The following PBXIP1 variants were observed in gnomAD, a reference collection of about 807,000 sequenced individuals.
PBXIP1 encodes the protein PBX homeobox interacting protein 1, also known as pre-B-cell leukemia transcription factor-interacting protein 1.
Under a neutral mutation model 73.7 loss-of-function variants are expected in PBXIP1, and 73 were observed. The ratio of observed to expected loss-of-function variants is 0.99; its 90% CI spans 0.82 to 1.20. The LOEUF (loss-of-function observed/expected upper bound fraction) is 1.20, where lower values mean the gene tolerates loss of function less well. Ranked by LOEUF, PBXIP1 falls within the 50% of genes most tolerant of loss-of-function variation. PBXIP1 has a pLI of 0.00. For missense variants in PBXIP1, 818 were observed against 911.4 expected, an observed-to-expected ratio of 0.90 and a Z score of 1.32; for synonymous variants, 330 against 366.9, an observed-to-expected ratio of 0.90 and a Z score of 1.15.
intron 10 of PBXIP1, 74 bp downstream of exon 10, chr1:154,945,498 C>T (rs1452810981): frequency 1.6e-5 from 24 of 1,456,504 alleles, no homozygotes; most frequent in Non-Finnish European, 2.2e-5. Context: ...GATACTCAAA[C>T]TAATGATCCT....
At chr1:154,949,916 C>A (rs1024559616) in intron 5 of PBXIP1, among the ~76,000 whole-genome samples, 21 of 152,182 alleles carry the variant, frequency 1.4e-4, no homozygotes, top group Non-Finnish European at 2.8e-4. Context: ...TAGCCCAGCC[C>A]CTCCTGCCTG....
chr1:154,946,903 G>T, intron 9 of PBXIP1, 100 bp from the exon 10 acceptor site: 1 of 1,206,230 alleles, frequency 8.3e-7, no homozygotes, highest in East Asian at 2.5e-5. Flanking sequence ...TGGGCAGGTG[G>T]CCTGAGCCCG....
In PBXIP1 at chr1:154,946,258, C is replaced by T; in HGVS notation, c.1416G>A (p.Trp472Ter). ...CATCCCACCACTTTTCCTTTCCACT[C>T]CACTCCCTAGAATTCTGGAAGTGGG... ...QKSHFQNSRE[W>*]SGKEKWWDGQ... Residue 472 changes from tryptophan to a stop codon, truncating the protein, a stop_gained, in exon 10 of 11, where the codon TGG (tryptophan) becomes TGA (stop). Transcript: ENST00000368463. LOFTEE classifies it high-confidence loss of function. The T allele has an allele frequency of 6.2e-7, 1 of 1,614,210 alleles. No homozygotes were observed.
At chr1:154,949,148 TTAA>T (rs1654928640) in intron 5 of PBXIP1, among the ~76,000 whole-genome samples, 1 of 151,914 alleles carries the variant, frequency 6.6e-6, no homozygotes, top group Admixed American at 6.6e-5. Flanking sequence ...TCTTTTTTTT[TTAA>T]TATTTATTTA....
Position 154,947,645 on chromosome 1 carries a change from C to G in PBXIP1, c.735G>C (p.Arg245Ser). Residue 245 changes from arginine to serine, a missense_variant, in exon 8 of 11, where the codon AGG becomes AGC. By Grantham distance (110) the Arg-to-Ser change is moderately radical. Transcript: ENST00000368463. ...CTCTGGAGACATTCACACATACCTG[C>G]CTGTCCCCCACAGCTTCCAGCACCT... Reference protein sequence around the residue: ...DPEVLEAVGDRQDGLREQLQA... With the variant: ...DPEVLEAVGDSQDGLREQLQA... 1 of 1,613,960 alleles carries G rather than the reference C, an allele frequency of 6.2e-7. No individual in the cohort carries two copies. The highest frequency in any genetic ancestry group is 8.5e-7 in the Non-Finnish European group (1 of 1,179,930).
intron 7 of PBXIP1, 44 bp downstream of exon 7, chr1:154,947,938 A>G (rs1420999149): frequency 1.2e-6 from 2 of 1,601,772 alleles, no homozygotes; most frequent in Non-Finnish European, 1.7e-6. Flanking sequence ...GAACCAGAGA[A>G]CACATACAAC....
At chr1:154,949,883 C>T (rs1010941250) in intron 5 of PBXIP1, among the ~76,000 whole-genome samples, 2 of 152,098 alleles carry the variant, frequency 1.3e-5, no homozygotes, top group African/African-American at 2.4e-5. Context: ...CTAGGACAGA[C>T]GCCTGGCCTA....
Position 154,951,582 on chromosome 1 carries a change from T to C in PBXIP1, c.179-47A>G. ...AGAAAAACCCACTGCCCCAGCTGAA[T>C]TTCCTTTGCAGCCCTCTGTCCATCC... On this transcript the variant is annotated intron_variant, in intron 3 of 10. Coordinates refer to ENST00000368463, the MANE Select transcript of PBXIP1 (RefSeq NM_020524.4). The surrounding 1 kb of genome is among the most constrained non-coding windows in gnomAD (Gnocchi z 4.3). 1 of 1,587,240 alleles carries C rather than the reference T, an allele frequency of 6.3e-7. No individual in the cohort carries two copies. Among genetic ancestry groups the C allele is most frequent in the Non-Finnish European group, 8.7e-7 (1 of 1,155,892 alleles).
In PBXIP1 at chr1:154,946,412, C is replaced by T. The variant is rs748232786; in HGVS notation, c.1262G>A (p.Arg421His). The change falls in exon 10 of 11, where the codon CGC (arginine) becomes CAC (histidine). Residue 421 changes from arginine to histidine, a missense_variant. Arg to His is a conservative substitution (Grantham distance 29, BLOSUM62 0). Transcript: ENST00000368463. ...DLERSLQDASRGDPAHAGLAE... is the reference protein window; with the variant it reads ...DLERSLQDASHGDPAHAGLAE... ...CAAGCCAGCATGAGCTGGGTCCCCGCGGCTGGCATCCTGCAAGCTCCTCTC... is the reference window on the plus strand; with the variant it reads ...CAAGCCAGCATGAGCTGGGTCCCCGTGGCTGGCATCCTGCAAGCTCCTCTC... 4 of 1,611,030 alleles carry T rather than the reference C, an allele frequency of 2.5e-6. No individual in the cohort carries two copies. Among genetic ancestry groups the T allele is most frequent in the East Asian group, 4.5e-5 (2 of 44,886 alleles).
At chr1:154,955,008 G>C in intron 1 of PBXIP1, 2 of 979,780 alleles carry the variant, frequency 2.0e-6, no homozygotes, top group African/African-American at 3.5e-5. Context: ...CAAGTCCTGC[G>C]TGGTGCCCTA....
chr1:154,945,546 G>A (rs762556050), intron 10 of PBXIP1, 26 bp downstream of exon 10: 46 of 1,584,828 alleles, frequency 2.9e-5, no homozygotes, highest in East Asian at 4.5e-5. Flanking sequence ...TGTCCCACCC[G>A]ACCCAACTCC....
At position 154,951,201 on chromosome 1, in the gene PBXIP1, G is replaced by A; in HGVS notation, c.409+31C>T. ...CCCTCTCCCATACCTTCTAGAAGGA[G>A]AGTGACAGGAGAGGCAAGGAAGACT... is the stretch of plus-strand genomic sequence containing the variant. On this transcript the variant is annotated intron_variant, in intron 5 of 10. Transcript: ENST00000368463. The surrounding 1 kb of genome is among the most constrained non-coding windows in gnomAD (Gnocchi z 4.3). The A allele has an allele frequency of 6.3e-7, 1 of 1,599,980 alleles. No homozygotes were observed. The highest frequency in any genetic ancestry group is 2.2e-5 in the East Asian group (1 of 44,818).
chr1:154,955,529 G>A (rs1381996342), intron 1 of PBXIP1, among the ~76,000 whole-genome samples: 1 of 152,122 alleles, frequency 6.6e-6, no homozygotes, highest in Non-Finnish European at 1.5e-5. Flanking sequence ...TCTTGGTTAG[G>A]TTAACCCAGG....
At chr1:154,954,206 C>G (rs1655100286) in intron 1 of PBXIP1, among the ~76,000 whole-genome samples, 1 of 152,212 alleles carries the variant, frequency 6.6e-6, no homozygotes, top group Admixed American at 6.5e-5. Context: ...CAATCACTAC[C>G]TTCTCCCCCA....
At position 154,946,540 on chromosome 1, in the gene PBXIP1, G is replaced by A; in HGVS notation, c.1134C>T (p.Leu378=). Residue 378 remains leucine (L), a synonymous_variant, in exon 10 of 11, where the codon CTC becomes CTT. Coordinates refer to ENST00000368463, the MANE Select transcript of PBXIP1 (RefSeq NM_020524.4). ...GCTGTTCCTTCTGCTTCAGGAAGCT[G>A]AGTTCTGGCTCCTGCTCCCTGGGGC... ...EQGPREQEPE[L]SFLKQKEQLE... 1 of 1,612,056 alleles carries A rather than the reference G, an allele frequency of 6.2e-7. No homozygotes were observed. The highest frequency in any genetic ancestry group is 1.1e-5 in the South Asian group (1 of 91,090).
At chr1:154,947,245 C>T (rs1321596636) in intron 9 of PBXIP1, 172 bp downstream of exon 9, 5 of 754,218 alleles carry the variant, frequency 6.6e-6, no homozygotes, top group Non-Finnish European at 4.5e-6. Flanking sequence ...TGGCCCAAAC[C>T]TTAGCACAAG....
chr1:154,944,792 C>A lies in PBXIP1; in HGVS notation c.*232G>T. ...TTCACAGTGACAAAACACAAGCCCA[C>A]ATCCCAGGGCCTGGAGTATTTGCAT... On this transcript the variant is annotated 3_prime_UTR_variant, in exon 11 of 11. Transcript: ENST00000368463. The A allele has an allele frequency of 2.0e-6, 1 of 492,322 alleles. No homozygotes were observed. The highest frequency in any genetic ancestry group is 2.0e-5 in the African/African-American group (1 of 51,200). 30.5% of individuals were successfully genotyped at this position (492,322 alleles called of 1,614,324 possible).
chr1:154,948,391 C>G, intron 5 of PBXIP1, 25 bp from the exon 6 acceptor site: 1 of 1,486,808 alleles, frequency 6.7e-7, no homozygotes, highest in Non-Finnish European at 9.2e-7. Context: ...AGGGACAGGG[C>G]AGTGAGGTGA....
Position 154,953,851 on chromosome 1 carries a change from G to A in PBXIP1, c.-36-94C>T, listed in dbSNP as rs533588997. 2.6e-5 allele frequency: 19 copies of A among 731,220 alleles called. No homozygotes were observed. The Admixed American group carries it at 2.7e-4, about 10-fold the overall frequency. The allele number at this position is 731,220 out of a possible 1,614,324, so 45.3% of individuals were successfully genotyped here. On this transcript the variant is annotated intron_variant, in intron 1 of 10. Coordinates refer to ENST00000368463, the MANE Select transcript of PBXIP1 (RefSeq NM_020524.4). Reference sequence around the variant, plus strand: ...GGCTGGGTTCCAAGGTTCAAGTGCTGGGCAGCAGCCTCCAGAACCAAGCCT... The same window carrying A: ...GGCTGGGTTCCAAGGTTCAAGTGCTAGGCAGCAGCCTCCAGAACCAAGCCT...
Sources: gnomAD v4.1 joint callset for allele counts (sites outside exome capture counted in the v4.1 genomes callset) on GRCh38, gnomAD v4.1.1 for gene constraint, Gnocchi (gnomAD v3.1) non-coding constraint, MANE v1.5 for transcripts, NCBI Gene and HGNC (gene_info 2026-07-23, HGNC 2026-07-21) for gene names.